The following CNTN4 variants were observed in gnomAD, a reference collection of about 807,000 sequenced individuals.
CNTN4 encodes the protein contactin-4.
Under a neutral mutation model 122.5 loss-of-function variants are expected in CNTN4, and 77 were observed. The ratio of observed to expected loss-of-function variants is 0.63; its 90% CI spans 0.52 to 0.76. The LOEUF (loss-of-function observed/expected upper bound fraction) is 0.76, where lower values mean the gene tolerates loss of function less well. Among genes scored for constraint, CNTN4 ranks in the 30% least tolerant of loss-of-function variants. CNTN4 has a pLI of 0.00. For synonymous variants in CNTN4, 512 were observed against 447.0 expected, an observed-to-expected ratio of 1.15 and a Z score of -1.83; for missense variants, 1,256 against 1,259.1, an observed-to-expected ratio of 1.00 and a Z score of 0.04.
intron 8 of CNTN4, among the ~76,000 whole-genome samples, chr3:2,869,967 C>G (rs1360397394): frequency 6.6e-6 from 1 of 152,124 alleles, no homozygotes; most frequent in East Asian, 1.9e-4. Flanking sequence ...AAATACAGCC[C>G]CTGTGGCTTC....
intron 13 of CNTN4, among the ~76,000 whole-genome samples, chr3:2,929,364 C>G (rs1201532886): frequency 6.6e-6 from 1 of 152,054 alleles, no homozygotes; most frequent in Non-Finnish European, 1.5e-5. Context: ...CTGAAGTTGA[C>G]CTATTAAAAA....
intron 6 of CNTN4, among the ~76,000 whole-genome samples, chr3:2,798,397 C>CTATCTATCTATCTATA (rs1422567263): frequency 0.047 from 6,989 of 147,610 alleles, 222 homozygotes; most frequent in Non-Finnish European, 0.062. Context: ...ATCTATATAT[C>CTATCTATCTATCTATA]TATCTATCTA....
rs73098015 is a variant in CNTN4, at chr3:2,185,852, A to T, written c.-145+85213A>T. Among the ~76,000 whole-genome samples, 277 of 152,266 alleles carry T rather than the reference A, an allele frequency of 1.8e-3. 2 individuals carry two copies. Among genetic ancestry groups the T allele is most frequent in the African/African-American group, 6.4e-3 (265 of 41,562 alleles). ...ATTTTCTGGTTTTGTTTTATGAGGC[A>T]TGTGGGACTCCATAGCCTTAATTAT... On this transcript the variant is annotated intron_variant, in intron 2 of 24. Coordinates refer to ENST00000418658, the MANE Select transcript of CNTN4 (RefSeq NM_175607.3).
chr3:2,767,876 A>G (rs550635344), intron 6 of CNTN4, among the ~76,000 whole-genome samples: 2 of 152,256 alleles, frequency 1.3e-5, no homozygotes, highest in South Asian at 2.1e-4. Flanking sequence ...CCTTCTCAGT[A>G]TTTTTGTGTT....
intron 3 of CNTN4, among the ~76,000 whole-genome samples, chr3:2,497,696 A>G (rs1248921399): frequency 6.6e-6 from 1 of 152,134 alleles, no homozygotes; most frequent in African/African-American, 2.4e-5. Context: ...GTTCTTGCCT[A>G]CCCGATTGAA....
rs539694189 is a variant in CNTN4, at chr3:2,265,492, A to T, written c.-144-73686A>T. Among the ~76,000 whole-genome samples the T allele has an allele frequency of 6.6e-5, 10 of 152,142 alleles. No individual in the cohort carries two copies. In the South Asian group the frequency reaches 2.1e-3, roughly 32 times the overall value. On this transcript the variant is annotated intron_variant, in intron 2 of 24. Coordinates refer to ENST00000418658, the MANE Select transcript of CNTN4 (RefSeq NM_175607.3). ...GTAATATAATTTGAAATCACATAGT[A>T]TGATGCCTCTGCCTCCAGCTTTATT...
chr3:2,956,745 A>G (rs1306093341), intron 13 of CNTN4, among the ~76,000 whole-genome samples: 1 of 152,132 alleles, frequency 6.6e-6, no homozygotes, highest in African/African-American at 2.4e-5. Context: ...GGAATTGTTC[A>G]TCTTATAACT....
At chr3:2,131,847 G>A (rs957653800) in intron 2 of CNTN4, among the ~76,000 whole-genome samples, 1 of 152,158 alleles carries the variant, frequency 6.6e-6, no homozygotes, top group Non-Finnish European at 1.5e-5. Context: ...CTCAGATCTA[G>A]AATCAGTGAG....
chr3:2,338,888 T>C (rs373536353), intron 2 of CNTN4, among the ~76,000 whole-genome samples: 4 of 152,164 alleles, frequency 2.6e-5, no homozygotes, highest in East Asian at 3.9e-4. Context: ...CCATAAAATA[T>C]TGCAGGCTCC....
intron 6 of CNTN4, among the ~76,000 whole-genome samples, chr3:2,781,584 C>T (rs1034923687): frequency 6.6e-6 from 1 of 151,928 alleles, no homozygotes; most frequent in Non-Finnish European, 1.5e-5. Flanking sequence ...CCCAAGTGGT[C>T]GGGGTGCAGC....
At chr3:2,808,822 C>T (rs924393568) in intron 6 of CNTN4, among the ~76,000 whole-genome samples, 83 of 152,356 alleles carry the variant, frequency 5.4e-4, no homozygotes, top group African/African-American at 1.9e-3. Context: ...GACACCTTTT[C>T]TTGAAGTTAT....
intron 2 of CNTN4, among the ~76,000 whole-genome samples, chr3:2,310,352 C>G (rs540209127): frequency 1.8e-4 from 27 of 152,132 alleles, no homozygotes; most frequent in Non-Finnish European, 1.5e-4. Flanking sequence ...CACTGTGGAG[C>G]TATGGGATCT....
chr3:3,006,176 C>G (rs1052291776), intron 14 of CNTN4, among the ~76,000 whole-genome samples: 15 of 152,108 alleles, frequency 9.9e-5, no homozygotes, highest in Non-Finnish European at 1.8e-4. Context: ...GCGCCCAGCC[C>G]ACGCTGTGTA....
intron 13 of CNTN4, among the ~76,000 whole-genome samples, chr3:2,969,864 G>C (rs1326305418): frequency 6.6e-6 from 1 of 152,142 alleles, no homozygotes; most frequent in South Asian, 2.1e-4. Flanking sequence ...GATGGTCAGA[G>C]AGCGGCTGGA....
chr3:2,955,573 A>G (rs1237459202), intron 13 of CNTN4, among the ~76,000 whole-genome samples: 1 of 152,148 alleles, frequency 6.6e-6, no homozygotes, highest in Non-Finnish European at 1.5e-5. Context: ...TAGCTTACTG[A>G]CTCTGATTGA....
chr3:2,417,435 A>C (rs952391199), intron 3 of CNTN4, among the ~76,000 whole-genome samples: 2 of 152,220 alleles, frequency 1.3e-5, no homozygotes, highest in African/African-American at 4.8e-5. Flanking sequence ...CTGAGTTTGC[A>C]CTGAGCTCTT....
intron 2 of CNTN4, among the ~76,000 whole-genome samples, chr3:2,196,493 G>A (rs374352573): frequency 2.6e-5 from 4 of 151,760 alleles, no homozygotes; most frequent in East Asian, 3.9e-4. Flanking sequence ...TTAATTATAC[G>A]GCCAATACAG....
At chr3:2,892,093 T>C (rs1265697046) in intron 10 of CNTN4, 1 of 152,214 alleles carries the variant, frequency 6.6e-6, no homozygotes, top group Non-Finnish European at 1.5e-5. Context: ...TTAAAGTAAT[T>C]GATTTAAGTT....
chr3:2,516,847 T>A (rs1396852032), intron 3 of CNTN4, among the ~76,000 whole-genome samples: 1 of 151,972 alleles, frequency 6.6e-6, no homozygotes, highest in East Asian at 1.9e-4. Context: ...CACAGGGGAC[T>A]AAAGGAGACA....
Sources: gnomAD v4.1 joint callset for allele counts (sites outside exome capture counted in the v4.1 genomes callset) on GRCh38, gnomAD v4.1.1 for gene constraint, MANE v1.5 for transcripts, NCBI Gene and HGNC (gene_info 2026-07-23, HGNC 2026-07-21) for gene names.